SAE1: variants seen among roughly 807,000 people sequenced by gnomAD.
SAE1 encodes the protein SUMO1 activating enzyme subunit 1, also known as SUMO-activating enzyme subunit 1.
Under a neutral mutation model 40.6 loss-of-function variants are expected in SAE1, and 11 were observed. That is an observed-to-expected ratio of 0.27 (90% confidence interval 0.17 to 0.45). SAE1 has a LOEUF of 0.45. Among genes scored for constraint, SAE1 ranks in the 20% least tolerant of loss-of-function variants. SAE1 has a pLI of 1.00. For missense variants in SAE1, 373 were observed against 427.3 expected (o/e 0.87, Z 1.12); for synonymous variants, 155 against 154.3 (o/e 1.00, Z -0.03).
At chr19:47,174,563 A>ATTTTTTTTTTT (rs71180803) in intron 6 of SAE1, among the ~76,000 whole-genome samples, 1 of 88,508 alleles carries the variant, frequency 1.1e-5, no homozygotes, top group Admixed American at 1.5e-4. Context: ...CGCCTGGCAA[A>ATTTTTTTTTTT]TTTTTTTTTT....
chr19:47,166,818 C>T (rs2058396016), intron 5 of SAE1, among the ~76,000 whole-genome samples: 1 of 152,154 alleles, frequency 6.6e-6, no homozygotes, highest in Admixed American at 6.6e-5. Flanking sequence ...CATGACTTAT[C>T]TTTTGAGGTC....
At chr19:47,157,808 T>G (rs575406494) in intron 5 of SAE1, among the ~76,000 whole-genome samples, 1 of 152,282 alleles carries the variant, frequency 6.6e-6, no homozygotes, top group East Asian at 1.9e-4. Context: ...CCCCAAGCCC[T>G]TAAGGTTACG....
At chr19:47,136,072 A>C (rs1050007508) in intron 1 of SAE1, among the ~76,000 whole-genome samples, 1 of 151,758 alleles carries the variant, frequency 6.6e-6, no homozygotes, top group Admixed American at 6.6e-5. Context: ...TTGTCTGTTG[A>C]TAGACATATG....
intron 7 of SAE1, among the ~76,000 whole-genome samples, chr19:47,199,802 C>A (rs1044338295): frequency 3.9e-5 from 6 of 152,176 alleles, no homozygotes; most frequent in Non-Finnish European, 8.8e-5. Flanking sequence ...ACTGGTCATT[C>A]CTCCACCAAG....
At chr19:47,164,844 G>T (rs1222632244) in intron 5 of SAE1, among the ~76,000 whole-genome samples, 2 of 150,986 alleles carry the variant, frequency 1.3e-5, no homozygotes, top group African/African-American at 4.9e-5. Flanking sequence ...AGTAGAGAGG[G>T]GGTTTCACCG....
Position 47,209,573 on chromosome 19 carries a change from C to T in SAE1, c.*322C>T, listed in dbSNP as rs960135150. On this transcript the variant is annotated 3_prime_UTR_variant, in exon 9 of 9. Transcript: ENST00000270225. ...CTGTCCTTATGCTGTCCCGGCCTCG[C>T]CAGCCCTCTGGGGCATTGTGGGAGA... The T allele has an allele frequency of 3.5e-5, 14 of 401,018 alleles. No individual in the cohort carries two copies. The highest frequency in any genetic ancestry group is 1.3e-3 in the Middle Eastern group (2 of 1,518). The allele number at this position is 401,018 out of a possible 1,614,324, so 24.8% of individuals were successfully genotyped here. A position where few individuals can be genotyped will look rare whatever the true frequency, so the allele number is the denominator to read the frequency against.
At chr19:47,172,207 C>G (rs1178347672) in intron 6 of SAE1, among the ~76,000 whole-genome samples, 2 of 152,266 alleles carry the variant, frequency 1.3e-5, no homozygotes, top group Non-Finnish European at 2.9e-5. Context: ...GCGTGAGCCA[C>G]CACGCTCAGC....
intron 2 of SAE1, among the ~76,000 whole-genome samples, chr19:47,147,560 C>G (rs936137068): frequency 6.6e-6 from 1 of 151,606 alleles, no homozygotes; most frequent in African/African-American, 2.4e-5. Flanking sequence ...TCAAGTGATT[C>G]TCCTGTCTCA....
At position 47,131,169 on chromosome 19, in the gene SAE1, G is replaced by C. The variant is rs1293992477; in HGVS notation, c.98+141G>C. 12 of 1,413,392 alleles carry C rather than the reference G, an allele frequency of 8.5e-6. No individual in the cohort carries two copies. In the Admixed American group the frequency reaches 2.3e-4, roughly 27 times the overall value. 87.6% of individuals were successfully genotyped at this position (1,413,392 alleles called of 1,614,324 possible). On this transcript the variant is annotated intron_variant, in intron 1 of 8. Coordinates refer to ENST00000270225, the MANE Select transcript of SAE1 (RefSeq NM_005500.3). ...GTGCTCTGGGATCGTCTCTCTCTTG[G>C]GGGGACTGGAGGAGTTGATTGGGGA...
chr19:47,171,647 T>A (rs1412097127), intron 6 of SAE1, among the ~76,000 whole-genome samples: 1 of 152,216 alleles, frequency 6.6e-6, no homozygotes, highest in Non-Finnish European at 1.5e-5. Context: ...TTTTTGTATT[T>A]TTTTTGTATT....
At chr19:47,170,179 T>C (rs998775367) in intron 6 of SAE1, among the ~76,000 whole-genome samples, 2 of 152,202 alleles carry the variant, frequency 1.3e-5, no homozygotes, top group African/African-American at 4.8e-5. Context: ...ATGGTAATAG[T>C]GTTACAGGTC....
At chr19:47,187,653 C>T (rs1197821024) in intron 6 of SAE1, among the ~76,000 whole-genome samples, 1 of 152,152 alleles carries the variant, frequency 6.6e-6, no homozygotes, top group East Asian at 1.9e-4. Flanking sequence ...TCCCAAGTAG[C>T]TGGGACTACA....
chr19:47,162,145 G>A (rs1272240924), intron 5 of SAE1, among the ~76,000 whole-genome samples: 1 of 152,032 alleles, frequency 6.6e-6, no homozygotes, highest in South Asian at 2.1e-4. Context: ...AGCCCTGCAG[G>A]GCATTTCTTT....
chr19:47,178,378 A>G (rs988580547), intron 6 of SAE1, among the ~76,000 whole-genome samples: 6 of 152,198 alleles, frequency 3.9e-5, no homozygotes, highest in African/African-American at 1.2e-4. Context: ...GCATTTTTCT[A>G]TAGCACCCAG....
chr19:47,149,775 A>G (rs1010920321), intron 2 of SAE1, among the ~76,000 whole-genome samples: 2 of 152,180 alleles, frequency 1.3e-5, no homozygotes, highest in African/African-American at 4.8e-5. Flanking sequence ...AAATTGCTAC[A>G]GGAACAGTAA....
At chr19:47,155,279 T>C (rs1048026588) in intron 5 of SAE1, 66 bp downstream of exon 5, 2 of 1,123,156 alleles carry the variant, frequency 1.8e-6, no homozygotes, top group Middle Eastern at 2.0e-4. Context: ...CAATGACGAT[T>C]GAAAAGGATA....
chr19:47,148,054 G>A (rs1357282037), intron 2 of SAE1, among the ~76,000 whole-genome samples: 2 of 151,932 alleles, frequency 1.3e-5, no homozygotes, highest in East Asian at 1.9e-4. Context: ...GCCACCACGC[G>A]TGGCCCTCAA....
chr19:47,173,762 T>G (rs1252314197), intron 6 of SAE1, among the ~76,000 whole-genome samples: 2 of 152,064 alleles, frequency 1.3e-5, no homozygotes, highest in East Asian at 1.9e-4. Context: ...AAAGGCCAGT[T>G]GACTCCTTTC....
intron 7 of SAE1, among the ~76,000 whole-genome samples, chr19:47,199,812 G>A (rs1309316818): frequency 6.6e-6 from 1 of 152,172 alleles, no homozygotes; most frequent in East Asian, 1.9e-4. Flanking sequence ...CCTCCACCAA[G>A]AGATGAGTGC....
Sources: gnomAD v4.1 joint callset for allele counts (sites outside exome capture counted in the v4.1 genomes callset) on GRCh38, gnomAD v4.1.1 for gene constraint, MANE v1.5 for transcripts, NCBI Gene and HGNC (gene_info 2026-07-23, HGNC 2026-07-21) for gene names.